KSR2: variants seen among roughly 807,000 people sequenced by gnomAD.
The protein encoded by KSR2 is kinase suppressor of ras 2.
KSR2 carries 25 observed loss-of-function variants against 107.8 expected under a neutral mutation model. That is an observed-to-expected ratio of 0.23 (90% CI 0.17 to 0.32). KSR2 has a LOEUF of 0.32. KSR2 is among the 10% of genes least tolerant of loss of function. The pLI is 1.00. For synonymous variants in KSR2, 480 were observed against 507.0 expected (o/e 0.95, Z 0.71); for missense variants, 887 against 1,268.9 (o/e 0.70, Z 4.57).
At position 117,875,333 on chromosome 12, in the gene KSR2, A is replaced by ATTTTTT. The variant is rs56091034; in HGVS notation, c.181-14908_181-14903dup. ...TCCAAATCCTCACCCCTTAGGTGCTATTTTTTTTTTTTTTTTTTAAGAACG... is the reference window on the plus strand; with the variant it reads ...TCCAAATCCTCACCCCTTAGGTGCTATTTTTTTTTTTTTTTTTTTTTTTTAAGAACG... On this transcript the variant is annotated intron_variant, in intron 1 of 19. Coordinates refer to ENST00000339824, the MANE Select transcript of KSR2 (RefSeq NM_173598.6). 1.9e-3 allele frequency among the ~76,000 whole-genome samples: 265 copies of ATTTTTT among 138,002 alleles called. 1 individual carries two copies. The South Asian group carries it at 0.024, about 12-fold the overall frequency. 90.5% of individuals were successfully genotyped at this position (138,002 alleles called of 152,430 possible).
chr12:117,540,553 T>C (rs911380454), intron 9 of KSR2, among the ~76,000 whole-genome samples: 11 of 152,230 alleles, frequency 7.2e-5, no homozygotes, highest in African/African-American at 2.7e-4. Context: ...GATCCCGAGA[T>C]GAGATCATCG....
intron 1 of KSR2, among the ~76,000 whole-genome samples, chr12:117,959,531 G>T (rs1896602999): frequency 6.6e-6 from 1 of 152,094 alleles, no homozygotes; most frequent in South Asian, 2.1e-4. Context: ...CTACCAACTT[G>T]TCTCCCTGCT....
At chr12:117,563,959 C>T (rs1298917947) in intron 7 of KSR2, among the ~76,000 whole-genome samples, 1 of 152,176 alleles carries the variant, frequency 6.6e-6, no homozygotes, top group African/African-American at 2.4e-5. Flanking sequence ...GCCCTCACAT[C>T]CTTGTCTCTG....
chr12:117,746,615 C>A (rs1888414082), intron 4 of KSR2, among the ~76,000 whole-genome samples: 1 of 151,916 alleles, frequency 6.6e-6, no homozygotes, highest in African/African-American at 2.4e-5. Flanking sequence ...TTCTGCACAG[C>A]AAAAGAAACT....
At chr12:117,662,811 G>A (rs1487746826) in intron 5 of KSR2, among the ~76,000 whole-genome samples, 1 of 152,160 alleles carries the variant, frequency 6.6e-6, no homozygotes, top group Non-Finnish European at 1.5e-5. Context: ...AGTGAGTCAT[G>A]GGCAGCTAAT....
In KSR2 at chr12:117,714,832, C is replaced by T. The variant is rs138607403; in HGVS notation, c.986+46179G>A. Among the ~76,000 whole-genome samples the T allele has an allele frequency of 7.2e-4, 110 of 152,270 alleles. 1 individual carries two copies. In the East Asian group the frequency reaches 0.016, roughly 22 times the overall value. On this transcript the variant is annotated intron_variant, in intron 4 of 19. Transcript: ENST00000339824. ...GACTAGAGAAGATGCTAAACATCTA[C>T]AATGCACAGGACAGCCACCACCACG...
intron 3 of KSR2, among the ~76,000 whole-genome samples, chr12:117,818,168 A>G (rs1276060072): frequency 1.3e-5 from 2 of 152,182 alleles, no homozygotes; most frequent in African/African-American, 4.8e-5. Context: ...GGTAGAGAGT[A>G]GAATAGGGAT....
chr12:117,961,470 C>A (rs758866245), intron 1 of KSR2, among the ~76,000 whole-genome samples: 8 of 152,210 alleles, frequency 5.3e-5, no homozygotes, highest in Non-Finnish European at 1.0e-4. Context: ...CCTCTATACC[C>A]AGGCTGGCCA....
At chr12:117,687,283 AAGTATGATCCCACC>A (rs1206523728) in intron 4 of KSR2, among the ~76,000 whole-genome samples, 1 of 152,148 alleles carries the variant, frequency 6.6e-6, no homozygotes, top group Non-Finnish European at 1.5e-5. Context: ...AAACATCAGC[AAGTATGATCCCACC>A]AGTGTGGAAT....
At chr12:117,906,924 C>T (rs1412474389) in intron 1 of KSR2, among the ~76,000 whole-genome samples, 2 of 151,898 alleles carry the variant, frequency 1.3e-5, no homozygotes, top group African/African-American at 4.8e-5. Flanking sequence ...GTGGCTGAGG[C>T]AGGAGGATCG....
chr12:117,670,401 A>T (rs1005530839), intron 4 of KSR2, among the ~76,000 whole-genome samples: 1 of 152,200 alleles, frequency 6.6e-6, no homozygotes, highest in African/African-American at 2.4e-5. Flanking sequence ...ACACCAAAGC[A>T]ATGAGAAGAT....
chr12:117,951,655 C>G (rs1896367256), intron 1 of KSR2, among the ~76,000 whole-genome samples: 1 of 152,184 alleles, frequency 6.6e-6, no homozygotes, highest in Non-Finnish European at 1.5e-5. Context: ...GCTGCAAAGT[C>G]TGGATCAGAG....
At chr12:117,570,245 G>A (rs906356676) in intron 7 of KSR2, among the ~76,000 whole-genome samples, 7 of 152,090 alleles carry the variant, frequency 4.6e-5, no homozygotes, top group Non-Finnish European at 1.0e-4. Context: ...CTTGTGATCC[G>A]CCCGCCTCGG....
intron 5 of KSR2, among the ~76,000 whole-genome samples, chr12:117,619,365 C>G (rs1882050307): frequency 6.6e-6 from 1 of 151,992 alleles, no homozygotes; most frequent in Admixed American, 6.6e-5. Flanking sequence ...TCCCCTCTCC[C>G]TCCACCCCAC....
chr12:117,460,313 G>A lies in KSR2; in HGVS notation c.*6886C>T, dbSNP rs935650825. On this transcript the variant is annotated 3_prime_UTR_variant, in exon 20 of 20. Transcript: ENST00000339824. ...GAAATGGGAGCTGCATGATCCCAATGAGTGGGAAGGAAGGGCCCTTTCCCA... is the reference window on the plus strand; with the variant it reads ...GAAATGGGAGCTGCATGATCCCAATAAGTGGGAAGGAAGGGCCCTTTCCCA... 6.6e-6 allele frequency: 1 copy of A among 152,088 alleles called. No individual in the cohort carries two copies. Among genetic ancestry groups the A allele is most frequent in the Non-Finnish European group, 1.5e-5 (1 of 68,018 alleles). 9.4% of individuals were successfully genotyped at this position (152,088 alleles called of 1,614,324 possible). A position where few individuals can be genotyped will look rare whatever the true frequency, so the allele number is the denominator to read the frequency against.
Position 117,666,992 on chromosome 12 carries a change from C to T in KSR2, c.1171+482G>A, listed in dbSNP as rs1278433981. On this transcript the variant is annotated intron_variant, in intron 5 of 19. Coordinates refer to ENST00000339824, the MANE Select transcript of KSR2 (RefSeq NM_173598.6). ...CAGGCCATGCTCAACCCCATTTGAA[C>T]CCAAATACATCTTTGAGATGTAAAG... Among the ~76,000 whole-genome samples the T allele has an allele frequency of 2.6e-5, 4 of 152,142 alleles. No individual in the cohort carries two copies. In the South Asian group the frequency reaches 8.3e-4, roughly 32 times the overall value.
chr12:117,788,015 A>G (rs576330176), intron 3 of KSR2, among the ~76,000 whole-genome samples: 3 of 152,374 alleles, frequency 2.0e-5, no homozygotes, highest in Non-Finnish European at 1.5e-5. Flanking sequence ...GACCATGTCT[A>G]TGGGATGGGA....
chr12:117,496,708 A>C (rs1278200949), intron 14 of KSR2, among the ~76,000 whole-genome samples: 2 of 152,230 alleles, frequency 1.3e-5, no homozygotes, highest in African/African-American at 4.8e-5. Context: ...ATATATTAAA[A>C]AACAAAGTGA....
At chr12:117,584,583 G>A (rs755158843) in intron 5 of KSR2, among the ~76,000 whole-genome samples, 3 of 152,128 alleles carry the variant, frequency 2.0e-5, no homozygotes, top group Non-Finnish European at 2.9e-5. Context: ...TGTCTGCCAC[G>A]GGTGAAGAAT....
Sources: gnomAD v4.1 joint callset for allele counts (sites outside exome capture counted in the v4.1 genomes callset) on GRCh38, gnomAD v4.1.1 for gene constraint, MANE v1.5 for transcripts, NCBI Gene and HGNC (gene_info 2026-07-23, HGNC 2026-07-21) for gene names.